Variants in WNK1 observed in about 807,000 individuals in gnomAD.
WNK1 encodes WNK lysine deficient protein kinase 1, also known as serine/threonine-protein kinase WNK1.
In WNK1, 38 loss-of-function variants were observed where a neutral mutation model predicts 222.8. The ratio of observed to expected loss-of-function variants is 0.17; its 90% confidence interval spans 0.13 to 0.22. The LOEUF is 0.22. WNK1 is among the 10% of genes least tolerant of loss of function. WNK1 has a pLI of 1.00. For missense variants in WNK1, 2,348 were observed against 2,918.4 expected, an observed-to-expected ratio of 0.80 and a Z score of 4.50; for synonymous variants, 1,090 against 1,092.9, an observed-to-expected ratio of 1.00 and a Z score of 0.05.
intron 1 of WNK1, among the ~76,000 whole-genome samples, chr12:782,876 A>G (rs1012915733): frequency 6.6e-6 from 1 of 151,698 alleles, no homozygotes; most frequent in Non-Finnish European, 1.5e-5. Context: ...GTTTCATATA[A>G]CCCAATATAT....
intron 2 of WNK1, among the ~76,000 whole-genome samples, chr12:823,954 C>T (rs6489751): frequency 0.64 from 92,845 of 144,880 alleles, 30,224 homozygotes; most frequent in East Asian, 0.88. Context: ...TTGCCCAGGG[C>T]GGAGTGCAGT....
At position 878,338 on chromosome 12, in the gene WNK1, C is replaced by A; in HGVS notation, c.2350C>A (p.Pro784Thr). 6.2e-7 allele frequency: 1 copy of A among 1,613,808 alleles called. No homozygotes were observed. Among genetic ancestry groups the A allele is most frequent in the Non-Finnish European group, 8.5e-7 (1 of 1,179,958 alleles). ...VSQPQAPQVL[P>T]QVSAGKQLPV... ...TCAGCCTCAAGCTCCACAAGTCTTG[C>A]CTCAAGTATCAGCTGGAAAACAGGT... The change falls in exon 10 of 28, where the codon CCT (proline) becomes ACT (threonine). Residue 784 changes from proline to threonine, a missense_variant. Physicochemically the swap from Pro to Thr is conservative, Grantham distance 38. Transcript: ENST00000315939.
intron 1 of WNK1, among the ~76,000 whole-genome samples, chr12:770,267 C>T (rs958508916): frequency 2.0e-5 from 3 of 152,182 alleles, no homozygotes; most frequent in Non-Finnish European, 2.9e-5. Flanking sequence ...AGCCACTGCG[C>T]CCGGCCAGGA....
Position 754,031 on chromosome 12 carries a change from G to C in WNK1, c.466G>C (p.Val156Leu). 2 of 1,591,600 alleles carry C rather than the reference G, an allele frequency of 1.3e-6. No homozygotes were observed. The highest frequency in any genetic ancestry group is 8.6e-7 in the Non-Finnish European group (1 of 1,169,386). The change falls in exon 1 of 28, where the codon GTC becomes CTC. Residue 156 changes from valine to leucine, a missense_variant. Around this residue, in one of 13 missense-constraint regions of WNK1, gnomAD observed 185 missense variants for 159.2 expected, o/e 1.16. Coordinates refer to ENST00000315939, the MANE Select transcript of WNK1 (RefSeq NM_018979.4). The part of the protein sequence containing the change: ...QAVAGPAPST[V>L]PSSTSKDRPV... Reference sequence around the variant, plus strand: ...CGTCGCGGGCCCTGCCCCCTCGACTGTCCCCAGCAGTACCAGCAAAGACCG... The same window carrying C: ...CGTCGCGGGCCCTGCCCCCTCGACTCTCCCCAGCAGTACCAGCAAAGACCG...
chr12:877,052 ATTTTTTT>A (rs34011207), intron 9 of WNK1, among the ~76,000 whole-genome samples: 2 of 77,104 alleles, frequency 2.6e-5, no homozygotes, highest in African/African-American at 5.2e-5. Context: ...CCTAAACTTC[ATTTTTTT>A]TTTTTTTTTT....
rs1956053692 is a variant in WNK1 at position 911,149 on chromosome 12, A to G, written c.*2357A>G. The stretch of plus-strand genomic sequence containing the variant: ...TGTATGAAATAACAAGCCTAGAGGA[A>G]TGAACTAGTGCTACTGAACTGTTTA... On this transcript the variant is annotated 3_prime_UTR_variant, in exon 28 of 28. Transcript: ENST00000315939. 2.5e-6 allele frequency: 1 copy of G among 396,518 alleles called. No individual in the cohort carries two copies. The highest frequency in any genetic ancestry group is 4.4e-5 in the Admixed American group (1 of 22,688). The allele number at this position is 396,518 out of a possible 1,614,324, so 24.6% of individuals were successfully genotyped here.
chr12:839,035 A>G (rs960908255), intron 4 of WNK1, among the ~76,000 whole-genome samples: 1 of 152,214 alleles, frequency 6.6e-6, no homozygotes, highest in Admixed American at 6.5e-5. Flanking sequence ...GAACAAACAA[A>G]TAAAGCAAAC....
At position 911,171 on chromosome 12, in the gene WNK1, TTTA is replaced by T. The variant is rs1956054935; in HGVS notation, c.*2380_*2382del. 2 of 397,292 alleles carry T rather than the reference TTTA, an allele frequency of 5.0e-6. No individual in the cohort carries two copies. Among genetic ancestry groups the T allele is most frequent in the African/African-American group, 2.1e-5 (1 of 48,638 alleles). 24.6% of individuals were successfully genotyped at this position (397,292 alleles called of 1,614,324 possible). A position where few individuals can be genotyped will look rare whatever the true frequency, so the allele number is the denominator to read the frequency against. ...GGAATGAACTAGTGCTACTGAACTG[TTTA>T]AATTATTTTTGTGTTAATAGTACAC... On this transcript the variant is annotated 3_prime_UTR_variant, in exon 28 of 28. Transcript: ENST00000315939.
At chr12:799,843 C>T (rs1158594648) in intron 1 of WNK1, among the ~76,000 whole-genome samples, 2 of 152,100 alleles carry the variant, frequency 1.3e-5, no homozygotes, top group Non-Finnish European at 2.9e-5. Context: ...TGCCACCACA[C>T]GTGCCTACTT....
intron 1 of WNK1, among the ~76,000 whole-genome samples, chr12:804,253 T>C (rs1279191373): frequency 6.6e-6 from 1 of 152,234 alleles, no homozygotes; most frequent in Non-Finnish European, 1.5e-5. Flanking sequence ...AATCAAGTAA[T>C]GTTCAGCCTT....
chr12:824,675 A>AGAG (rs1555111743), intron 2 of WNK1, among the ~76,000 whole-genome samples: 10 of 151,314 alleles, frequency 6.6e-5, no homozygotes, highest in Non-Finnish European at 1.0e-4. Context: ...AGTTAAAAAA[A>AGAG]AGAGAGAAGT....
chr12:897,359 G>A, intron 24 of WNK1, 120 bp from the exon 25 acceptor site: 1 of 748,290 alleles, frequency 1.3e-6, no homozygotes, highest in Non-Finnish European at 2.4e-6. Flanking sequence ...AGTACATTTG[G>A]GGAAAAGGTT....
intron 1 of WNK1, among the ~76,000 whole-genome samples, chr12:795,196 T>C (rs1249242525): frequency 6.6e-6 from 1 of 152,176 alleles, no homozygotes; most frequent in Non-Finnish European, 1.5e-5. Context: ...ATAGAACTCA[T>C]CAGTGAAGTG....
intron 4 of WNK1, among the ~76,000 whole-genome samples, chr12:855,488 T>A (rs986964048): frequency 6.6e-6 from 1 of 152,208 alleles, no homozygotes; most frequent in Non-Finnish European, 1.5e-5. Flanking sequence ...TGTATTTCAT[T>A]TATTTCATTT....
In WNK1 at chr12:862,514, C is replaced by T. The variant is rs72648692; in HGVS notation, c.2139+244C>T. Among the ~76,000 whole-genome samples the T allele has an allele frequency of 3.9e-3, 596 of 152,328 alleles. 1 individual carries two copies. Among genetic ancestry groups the T allele is most frequent in the South Asian group, 0.017 (83 of 4,824 alleles). ...TAGTCTGCATTTTTACTAAAGGGAA[C>T]GCTCTCTTTAGCACTTAAGATGTTG... On this transcript the variant is annotated intron_variant, in intron 8 of 27. Transcript: ENST00000315939.
chr12:805,226 A>G (rs554646358), intron 1 of WNK1, among the ~76,000 whole-genome samples: 18 of 152,076 alleles, frequency 1.2e-4, no homozygotes, highest in Middle Eastern at 6.8e-3. Context: ...TGTCTATACC[A>G]TTTTACAATC....
At chr12:890,191 GA>G (rs1954085781) in intron 21 of WNK1, among the ~76,000 whole-genome samples, 1 of 151,816 alleles carries the variant, frequency 6.6e-6, no homozygotes, top group South Asian at 2.1e-4. Context: ...GACCTCAAAT[GA>G]TCTGCCCACC....
At chr12:790,237 C>CT (rs974357450) in intron 1 of WNK1, among the ~76,000 whole-genome samples, 15 of 152,128 alleles carry the variant, frequency 9.9e-5, no homozygotes, top group African/African-American at 3.4e-4. Flanking sequence ...AAAGTGATTT[C>CT]TTTTTATCTT....
intron 1 of WNK1, among the ~76,000 whole-genome samples, chr12:782,435 T>C (rs1463550557): frequency 6.6e-6 from 1 of 152,188 alleles, no homozygotes; most frequent in African/African-American, 2.4e-5. Context: ...AAATCAGAGA[T>C]CTAATCTTAG....
Sources: gnomAD v4.1 joint callset for allele counts (sites outside exome capture counted in the v4.1 genomes callset) on GRCh38, gnomAD v4.1.1 for gene constraint, gnomAD v4.1.1 regional missense constraint, MANE v1.5 for transcripts, NCBI Gene and HGNC (gene_info 2026-07-23, HGNC 2026-07-21) for gene names.